The following CNTNAP5 variants were observed in gnomAD, a reference collection of about 807,000 sequenced individuals.
The protein encoded by CNTNAP5 is contactin associated protein family member 5, also known as contactin-associated protein-like 5.
A neutral mutation model predicts 150.2 loss-of-function variants in CNTNAP5; 72 were observed. That is an observed-to-expected ratio of 0.48 (90% confidence interval 0.40 to 0.58). The LOEUF (loss-of-function observed/expected upper bound fraction) is 0.58. Ranked by LOEUF, CNTNAP5 falls within the 20% of genes least tolerant of loss-of-function variation. The pLI is 0.00. For synonymous variants in CNTNAP5, 672 were observed against 619.8 expected (o/e 1.08, Z -1.25); for missense variants, 1,636 against 1,626.2 (o/e 1.01, Z -0.10).
chr2:124,148,216 G>A (rs62163890), intron 1 of CNTNAP5, among the ~76,000 whole-genome samples: 38,992 of 150,822 alleles, frequency 0.26, 5,136 homozygotes, highest in African/African-American at 0.3. Context: ...TCACTACCGC[G>A]TGAACCCAGG....
chr2:124,822,817 T>G (rs146112344), intron 19 of CNTNAP5, among the ~76,000 whole-genome samples: 1 of 152,106 alleles, frequency 6.6e-6, no homozygotes, highest in Admixed American at 6.5e-5. Context: ...TCTTGCTAGC[T>G]GAGAAAAATT....
intron 1 of CNTNAP5, among the ~76,000 whole-genome samples, chr2:124,159,732 A>C (rs2104646914): frequency 6.6e-6 from 1 of 152,310 alleles, no homozygotes; most frequent in East Asian, 1.9e-4. Flanking sequence ...GTAAAGATGA[A>C]TAAGAACCTT....
At chr2:124,705,414 G>C (rs1365989388) in intron 13 of CNTNAP5, among the ~76,000 whole-genome samples, 3 of 152,142 alleles carry the variant, frequency 2.0e-5, no homozygotes, top group African/African-American at 7.2e-5. Flanking sequence ...TGTAATCCCA[G>C]CTACTAGGGA....
chr2:124,599,015 G>A (rs1004361584), intron 11 of CNTNAP5, among the ~76,000 whole-genome samples: 24 of 152,146 alleles, frequency 1.6e-4, no homozygotes, highest in Non-Finnish European at 3.1e-4. Context: ...CGCACGGTGC[G>A]CACACCCACT....
chr2:124,759,531 C>T (rs949650522), intron 14 of CNTNAP5, among the ~76,000 whole-genome samples: 15 of 148,648 alleles, frequency 1.0e-4, no homozygotes, highest in Non-Finnish European at 2.1e-4. Context: ...ATCAGTTTTA[C>T]ATCTCTAACG....
rs76419279 is a variant in CNTNAP5, at chr2:124,529,577, T to C, written c.1649+2121T>C. On this transcript the variant is annotated intron_variant, in intron 10 of 23. Coordinates refer to ENST00000682447, the MANE Select transcript of CNTNAP5 (RefSeq NM_001367498.1). ...TTTCTTAAACTCATAATTAATGTTA[T>C]CTGAAGAGAGGCAGGAGTTAGAAGG... Among the ~76,000 whole-genome samples, 737 of 152,338 alleles carry C rather than the reference T, an allele frequency of 4.8e-3. 8 individuals carry two copies. Among genetic ancestry groups the C allele is most frequent in the African/African-American group, 0.017 (706 of 41,584 alleles).
chr2:124,851,306 A>T (rs1683150068), intron 19 of CNTNAP5, among the ~76,000 whole-genome samples: 1 of 152,206 alleles, frequency 6.6e-6, no homozygotes, highest in African/African-American at 2.4e-5. Context: ...CAGTAAGCCA[A>T]GACCTTGCCA....
chr2:124,274,078 C>T (rs966321415), intron 3 of CNTNAP5, among the ~76,000 whole-genome samples: 4 of 152,096 alleles, frequency 2.6e-5, no homozygotes, highest in Non-Finnish European at 4.4e-5. Flanking sequence ...CAAATGTACC[C>T]CAGATATTAT....
At chr2:124,254,196 A>G (rs1263898258) in intron 3 of CNTNAP5, among the ~76,000 whole-genome samples, 1 of 152,238 alleles carries the variant, frequency 6.6e-6, no homozygotes, top group Non-Finnish European at 1.5e-5. Flanking sequence ...CCTTATCTAA[A>G]GAAAACTTGA....
chr2:124,044,889 A>AACACACACAC lies in CNTNAP5; in HGVS notation c.82+19191_82+19200dup, dbSNP rs147761848. Reference sequence around the variant, plus strand: ...CAGACGGAAGCAATGGTAGTGAGGAAACACACACACACACACACACACACA... The same window carrying AACACACACAC: ...CAGACGGAAGCAATGGTAGTGAGGAAACACACACACACACACACACACACACACACACACA... On this transcript the variant is annotated intron_variant, in intron 1 of 23. Coordinates refer to ENST00000682447, the MANE Select transcript of CNTNAP5 (RefSeq NM_001367498.1). Among the ~76,000 whole-genome samples, 237 of 144,070 alleles carry AACACACACAC rather than the reference A, an allele frequency of 1.6e-3. 4 individuals are homozygous for AACACACACAC. The East Asian group carries it at 0.018, about 11-fold the overall frequency. The allele number at this position is 144,070 out of a possible 152,430, so 94.5% of individuals were successfully genotyped here.
At chr2:124,770,711 TTC>T (rs763095347) in intron 16 of CNTNAP5, among the ~76,000 whole-genome samples, 4 of 152,208 alleles carry the variant, frequency 2.6e-5, no homozygotes, top group Non-Finnish European at 5.9e-5. Flanking sequence ...TTCCCTTCAA[TTC>T]TGTTTCCTTT....
chr2:124,263,781 G>A (rs1687526576), intron 3 of CNTNAP5, among the ~76,000 whole-genome samples: 1 of 152,136 alleles, frequency 6.6e-6, no homozygotes, highest in East Asian at 1.9e-4. Context: ...TATGGTTTTA[G>A]GTCTAACATT....
chr2:124,682,233 G>A (rs1478824757), intron 13 of CNTNAP5, among the ~76,000 whole-genome samples: 1 of 152,126 alleles, frequency 6.6e-6, no homozygotes, highest in South Asian at 2.1e-4. Context: ...TCCAAAATTT[G>A]CCATTAAATT....
At chr2:124,289,626 C>A (rs1190032706) in intron 3 of CNTNAP5, among the ~76,000 whole-genome samples, 1 of 152,190 alleles carries the variant, frequency 6.6e-6, no homozygotes, top group Non-Finnish European at 1.5e-5. Flanking sequence ...CATAGCCAGA[C>A]AGAGGACCAG....
At chr2:124,552,451 C>T (rs563719027) in intron 10 of CNTNAP5, among the ~76,000 whole-genome samples, 22 of 152,286 alleles carry the variant, frequency 1.4e-4, no homozygotes, top group Non-Finnish European at 5.9e-5. Flanking sequence ...GGATTGCCCA[C>T]GCTCAGATAT....
chr2:124,745,781 C>T (rs1461249064), intron 13 of CNTNAP5, among the ~76,000 whole-genome samples: 1 of 152,192 alleles, frequency 6.6e-6, no homozygotes, highest in East Asian at 1.9e-4. Context: ...TCCAGGCCCT[C>T]TGCTTCATGA....
intron 9 of CNTNAP5, 71 bp from the exon 10 acceptor site, chr2:124,527,214 C>A: frequency 7.3e-7 from 1 of 1,368,664 alleles, no homozygotes; most frequent in Non-Finnish European, 1.0e-6. Context: ...CAAGGTCTTC[C>A]ATCAATAGGT....
chr2:124,659,959 T>C (rs139770120), intron 13 of CNTNAP5, among the ~76,000 whole-genome samples: 1 of 151,082 alleles, frequency 6.6e-6, no homozygotes, highest in Non-Finnish European at 1.5e-5. Context: ...ATAAAACAGT[T>C]AAAAGTTCTT....
chr2:124,085,539 C>G (rs1682667615), intron 1 of CNTNAP5, among the ~76,000 whole-genome samples: 1 of 151,910 alleles, frequency 6.6e-6, no homozygotes, highest in Non-Finnish European at 1.5e-5. Context: ...GATTTCTGCT[C>G]TCTTCCCTCT....
Sources: allele counts gnomAD v4.1 joint callset (sites outside exome capture counted in the v4.1 genomes callset), GRCh38; gene constraint gnomAD v4.1.1; transcripts MANE v1.5; gene names NCBI Gene and HGNC (gene_info 2026-07-23, HGNC 2026-07-21).